Variants in SMAD1 observed in about 807,000 individuals in gnomAD.
The protein encoded by SMAD1 is MAD, mothers against decapentaplegic homolog 1.
Under a neutral mutation model 41.6 loss-of-function variants are expected in SMAD1, and 6 were observed. The observed-to-expected ratio is 0.14, with a 90% CI of 0.08 to 0.28. The LOEUF is 0.28. Ranked by LOEUF, SMAD1 falls within the 10% of genes least tolerant of loss-of-function variation. The probability of loss-of-function intolerance (pLI) is 1.00; values close to 1 mark genes in which losing one functional copy is unlikely to be tolerated. For missense variants in SMAD1, 379 were observed against 582.6 expected (o/e 0.65, Z 3.60); for synonymous variants, 206 against 203.2 (o/e 1.01, Z -0.12).
intron 1 of SMAD1, among the ~76,000 whole-genome samples, chr4:145,501,639 TTC>T (rs1413318943): frequency 7.2e-6 from 1 of 139,510 alleles, no homozygotes; most frequent in African/African-American, 3.3e-5. Context: ...GGATTTTTGT[TTC>T]TTTTTTTTTT....
At chr4:145,549,122 A>G (rs1161154172) in intron 5 of SMAD1, among the ~76,000 whole-genome samples, 1 of 152,184 alleles carries the variant, frequency 6.6e-6, no homozygotes, top group Admixed American at 6.5e-5. Flanking sequence ...AGGTATGGAA[A>G]TGTTCCAGAT....
chr4:145,542,760 C>T, intron 4 of SMAD1, 62 bp downstream of exon 4: 1 of 1,126,512 alleles, frequency 8.9e-7, no homozygotes, highest in Non-Finnish European at 1.3e-6. Context: ...ATGTTACTTT[C>T]TCTCACAAAT....
At chr4:145,510,242 T>C (rs1196904776) in intron 1 of SMAD1, among the ~76,000 whole-genome samples, 1 of 152,184 alleles carries the variant, frequency 6.6e-6, no homozygotes, top group Non-Finnish European at 1.5e-5. Context: ...AGAATCAACT[T>C]TGATTTTATA....
At chr4:145,535,479 G>A (rs897167439) in intron 2 of SMAD1, among the ~76,000 whole-genome samples, 1 of 152,140 alleles carries the variant, frequency 6.6e-6, no homozygotes, top group African/African-American at 2.4e-5. Flanking sequence ...GTTGTTATCT[G>A]TCAAACCACA....
At position 145,520,999 on chromosome 4, in the gene SMAD1, A is replaced by G. The variant is rs1023953180; in HGVS notation, c.400+5986A>G. ...TTGCCACTTTGACCATTGCTGAAAA[A>G]TAGATCTTTGGGAAAGTAGAAAATG... On this transcript the variant is annotated intron_variant, in intron 2 of 6. Transcript: ENST00000302085. Among the ~76,000 whole-genome samples, 3 of 152,228 alleles carry G rather than the reference A, an allele frequency of 2.0e-5. No individual in the cohort carries two copies. In the South Asian group the frequency reaches 6.2e-4, roughly 32 times the overall value.
intron 2 of SMAD1, among the ~76,000 whole-genome samples, chr4:145,523,367 A>G (rs189107548): frequency 2.6e-4 from 40 of 152,326 alleles, no homozygotes; most frequent in Admixed American, 1.8e-3. Context: ...TGGTGTTGCA[A>G]TCTGTGTGGT....
chr4:145,488,619 T>C (rs374570990), intron 1 of SMAD1, among the ~76,000 whole-genome samples: 7 of 152,102 alleles, frequency 4.6e-5, no homozygotes, highest in African/African-American at 1.7e-4. Context: ...CTCTCAACGG[T>C]TATAATTAGG....
intron 1 of SMAD1, among the ~76,000 whole-genome samples, chr4:145,505,842 TCAAA>T (rs1425717089): frequency 5.3e-5 from 8 of 151,786 alleles, no homozygotes; most frequent in Non-Finnish European, 7.4e-5. Context: ...AAAAAAAAGG[TCAAA>T]CAATTTTTTT....
chr4:145,543,377 G>T (rs1481956881), intron 4 of SMAD1, among the ~76,000 whole-genome samples: 1 of 152,144 alleles, frequency 6.6e-6, no homozygotes, highest in African/African-American at 2.4e-5. Context: ...GTATAACTGG[G>T]CTGTCCAAAG....
chr4:145,496,696 G>A (rs1288909008), intron 1 of SMAD1, among the ~76,000 whole-genome samples: 2 of 152,050 alleles, frequency 1.3e-5, no homozygotes, highest in Non-Finnish European at 2.9e-5. Flanking sequence ...CAAGGATTTT[G>A]GTATTGGGTG....
At chr4:145,489,115 C>G (rs1006864279) in intron 1 of SMAD1, among the ~76,000 whole-genome samples, 30 of 152,188 alleles carry the variant, frequency 2.0e-4, no homozygotes, top group Non-Finnish European at 1.0e-4. Flanking sequence ...ACACATGGAA[C>G]AGCATTTTTT....
At chr4:145,485,676 C>T (rs1401923994) in intron 1 of SMAD1, among the ~76,000 whole-genome samples, 3 of 152,164 alleles carry the variant, frequency 2.0e-5, no homozygotes, top group Non-Finnish European at 4.4e-5. Context: ...TTGGAAGGGA[C>T]AGTTGAAGCT....
chr4:145,522,385 T>C (rs1730790319), intron 2 of SMAD1, among the ~76,000 whole-genome samples: 1 of 152,134 alleles, frequency 6.6e-6, no homozygotes, highest in African/African-American at 2.4e-5. Flanking sequence ...GTGGATCACC[T>C]TAGGTCGGGA....
rs1553945845 is a variant in SMAD1 at position 145,515,164 on chromosome 4, G to GTGTGTGTT, written c.400+158_400+159insTTGTGTGT. 2.8e-4 allele frequency: 202 copies of GTGTGTGTT among 724,912 alleles called. 1 individual carries two copies. The African/African-American group carries it at 3.4e-3, about 12-fold the overall frequency. 44.9% of individuals were successfully genotyped at this position (724,912 alleles called of 1,614,324 possible). A position where few individuals can be genotyped will look rare whatever the true frequency, so the allele number is the denominator to read the frequency against. On this transcript the variant is annotated intron_variant, in intron 2 of 6. Coordinates refer to ENST00000302085, the MANE Select transcript of SMAD1 (RefSeq NM_005900.3). ...TGTGTGTGTGTGTGTGTGTGTGTGTGTGTGTGTGTGTGTCTGTGTGAATGC... is the reference window on the plus strand; with the variant it reads ...TGTGTGTGTGTGTGTGTGTGTGTGTGTGTGTGTTTGTGTGTGTGTGTCTGTGTGAATGC...
At chr4:145,490,216 C>G (rs1197185450) in intron 1 of SMAD1, among the ~76,000 whole-genome samples, 1 of 150,916 alleles carries the variant, frequency 6.6e-6, no homozygotes, top group East Asian at 1.9e-4. Context: ...AGTTAGCCAT[C>G]TGGAGCACAA....
At chr4:145,505,963 C>T (rs1235736400) in intron 1 of SMAD1, among the ~76,000 whole-genome samples, 1 of 151,926 alleles carries the variant, frequency 6.6e-6, no homozygotes, top group Non-Finnish European at 1.5e-5. Context: ...CTTGCCTCAG[C>T]CTCCCAAGTA....
chr4:145,500,191 C>A (rs1729348256), intron 1 of SMAD1, among the ~76,000 whole-genome samples: 1 of 152,166 alleles, frequency 6.6e-6, no homozygotes, highest in Non-Finnish European at 1.5e-5. Context: ...CTACTTCGAT[C>A]CCTGCGTCCT....
chr4:145,496,983 T>C (rs1326390532), intron 1 of SMAD1: 1 of 152,220 alleles, frequency 6.6e-6, no homozygotes, highest in African/African-American at 2.4e-5. Flanking sequence ...TTTATGTTTT[T>C]ATAATATACT....
intron 5 of SMAD1, among the ~76,000 whole-genome samples, chr4:145,547,301 AAAAG>A (rs1429737503): frequency 1.3e-5 from 2 of 152,298 alleles, no homozygotes; most frequent in South Asian, 2.1e-4. Flanking sequence ...CAGTAAATAG[AAAAG>A]AAAGAACTAG....
Sources: gnomAD v4.1 joint callset for allele counts (sites outside exome capture counted in the v4.1 genomes callset) on GRCh38, gnomAD v4.1.1 for gene constraint, MANE v1.5 for transcripts, NCBI Gene and HGNC (gene_info 2026-07-23, HGNC 2026-07-21) for gene names.